The following KLF9 variants were observed in gnomAD, a reference collection of about 807,000 sequenced individuals.
The protein encoded by KLF9 is Krueppel-like factor 9.
A neutral mutation model predicts 17.3 loss-of-function variants in KLF9; 2 were observed. That is an observed-to-expected ratio of 0.12 (90% CI 0.05 to 0.36). KLF9 has a LOEUF of 0.36. Among genes scored for constraint, KLF9 ranks in the 10% least tolerant of loss-of-function variants. The pLI is 1.00. For synonymous variants in KLF9, 138 were observed against 139.2 expected (o/e 0.99, Z 0.06); for missense variants, 226 against 333.2 (o/e 0.68, Z 2.51).
intron 1 of KLF9, 76 bp from the exon 2 acceptor site, chr9:70,388,081 TC>T (rs1202332883): frequency 1.8e-6 from 2 of 1,103,036 alleles, no homozygotes; most frequent in African/African-American, 3.1e-5. Flanking sequence ...TGGTCAATAG[TC>T]CCTACGACTC....
Position 70,413,584 on chromosome 9 carries a change from C to G in KLF9, c.-221G>C. On this transcript the variant is annotated 5_prime_UTR_variant, in exon 1 of 2. Coordinates refer to ENST00000377126, the MANE Select transcript of KLF9 (RefSeq NM_001206.4). This position sits in a 1 kb window ranked among gnomAD's most constrained non-coding sequence, Gnocchi z 5.6. Reference sequence around the variant, plus strand: ...CGGCAGCGCCTCCGCACGCAGCATCCACGGCCCCGGGCTCCGCCGCGCCGC... The same window carrying G: ...CGGCAGCGCCTCCGCACGCAGCATCGACGGCCCCGGGCTCCGCCGCGCCGC... 3.5e-6 allele frequency: 1 copy of G among 284,480 alleles called. No individual in the cohort carries two copies. Among genetic ancestry groups the G allele is most frequent in the Non-Finnish European group, 6.1e-6 (1 of 165,022 alleles). 17.6% of individuals were successfully genotyped at this position (284,480 alleles called of 1,614,324 possible). A position where few individuals can be genotyped will look rare whatever the true frequency, so the allele number is the denominator to read the frequency against.
rs565271439 is a variant in KLF9 at position 70,387,249 on chromosome 9, C to A, written c.*527G>T. The A allele has an allele frequency of 6.5e-6, 1 of 153,172 alleles. No individual in the cohort carries two copies. Among genetic ancestry groups the A allele is most frequent in the African/African-American group, 2.4e-5 (1 of 41,036 alleles). 9.5% of individuals were successfully genotyped at this position (153,172 alleles called of 1,614,324 possible). ...AACGTGATTCAAGAGAGTGGTTTTG[C>A]TAAACAAACTGAAGCACACTCGTCA... On this transcript the variant is annotated 3_prime_UTR_variant, in exon 2 of 2. Coordinates refer to ENST00000377126, the MANE Select transcript of KLF9 (RefSeq NM_001206.4).
chr9:70,393,882 C>CCT (rs1564086398), intron 1 of KLF9, among the ~76,000 whole-genome samples: 2 of 152,142 alleles, frequency 1.3e-5, no homozygotes, highest in Non-Finnish European at 2.9e-5. Context: ...ATTAGCCAGG[C>CCT]GTAGTGGTGC....
At chr9:70,395,047 T>C (rs555014889) in intron 1 of KLF9, among the ~76,000 whole-genome samples, 2 of 152,322 alleles carry the variant, frequency 1.3e-5, no homozygotes, top group South Asian at 4.1e-4. Context: ...GAACAAATAA[T>C]AAGTGAGCAC....
At chr9:70,401,776 A>G (rs1371188249) in intron 1 of KLF9, among the ~76,000 whole-genome samples, 2 of 151,282 alleles carry the variant, frequency 1.3e-5, no homozygotes, top group Non-Finnish European at 2.9e-5. Context: ...GCACTTTGGG[A>G]GGCCAAGGTG....
intron 1 of KLF9, among the ~76,000 whole-genome samples, chr9:70,399,718 T>C (rs2037209163): frequency 6.6e-6 from 1 of 152,226 alleles, no homozygotes; most frequent in Non-Finnish European, 1.5e-5. Context: ...TGAGATTAGA[T>C]GTGAAAGAAG....
chr9:70,409,590 T>A (rs1046015124), intron 1 of KLF9, among the ~76,000 whole-genome samples: 1 of 152,124 alleles, frequency 6.6e-6, no homozygotes, highest in Non-Finnish European at 1.5e-5. Context: ...TAGGATAAAC[T>A]TCATGTTAAT....
rs760670637 is a variant in KLF9 at position 70,413,061 on chromosome 9, G to T, written c.303C>A (p.Thr101=). The change falls in exon 1 of 2, where the codon ACC becomes ACA. Residue 101 remains threonine (T), a synonymous_variant. Coordinates refer to ENST00000377126, the MANE Select transcript of KLF9 (RefSeq NM_001206.4). The surrounding 1 kb of genome is among the most constrained non-coding windows in gnomAD (Gnocchi z 5.6). ...EDMGSDSDVT[T]ESGSSPSHSP... is the part of the protein sequence containing the mutation. ...TGTGGGAAGGACTCGACCCAGATTC[G>T]GTGGTCACGTCGCTGTCGGATCCCA... 6.2e-7 allele frequency: 1 copy of T among 1,614,086 alleles called. No individual in the cohort carries two copies. The highest frequency in any genetic ancestry group is 1.1e-5 in the South Asian group (1 of 91,066).
chr9:70,393,763 C>T (rs74325245), intron 1 of KLF9, among the ~76,000 whole-genome samples: 3,679 of 152,182 alleles, frequency 0.024, 129 homozygotes, highest in African/African-American at 0.084. Context: ...AAGACTTCTT[C>T]TAGAAGAAAA....
chr9:70,388,374 C>T (rs565987720), intron 1 of KLF9, among the ~76,000 whole-genome samples: 1 of 152,204 alleles, frequency 6.6e-6, no homozygotes, highest in Non-Finnish European at 1.5e-5. Context: ...TCCAATGAAA[C>T]GAACCCGTCC....
In KLF9 at chr9:70,386,706, A is replaced by G. The variant is rs1320024570; in HGVS notation, c.*1070T>C. 6.6e-6 allele frequency: 1 copy of G among 152,578 alleles called. No individual in the cohort carries two copies. The highest frequency in any genetic ancestry group is 1.5e-5 in the Non-Finnish European group (1 of 68,048). 9.5% of individuals were successfully genotyped at this position (152,578 alleles called of 1,614,324 possible). A position where few individuals can be genotyped will look rare whatever the true frequency, so the allele number is the denominator to read the frequency against. ...AGCTCTCTCCCCTAGTGGCATTAGG[A>G]TACAATAATGATGTTAACTAAAAGC... On this transcript the variant is annotated 3_prime_UTR_variant, in exon 2 of 2. Transcript: ENST00000377126.
chr9:70,413,240 C>T lies in KLF9; in HGVS notation c.124G>A (p.Glu42Lys). ...GGGTCACCGTGCTCCTTGGTCACCT[C>T]GCGCTCAGGTAGTCGCAGCCGCTCG... is the stretch of plus-strand genomic sequence containing the variant. The part of the protein sequence containing the change: ...DAERLRLPER[E>K]VTKEHGDPGD... The change falls in exon 1 of 2, where the codon GAG (glutamate) becomes AAG (lysine). Residue 42 changes from glutamate (E) to lysine (K), a missense_variant. By Grantham distance (56) the Glu-to-Lys change is moderately conservative (BLOSUM62 1). Transcript: ENST00000377126. The surrounding 1 kb of genome is among the most constrained non-coding windows in gnomAD (Gnocchi z 5.6). 6.2e-7 allele frequency: 1 copy of T among 1,613,914 alleles called. No homozygotes were observed. The highest frequency in any genetic ancestry group is 8.5e-7 in the Non-Finnish European group (1 of 1,180,016).
chr9:70,413,372 C>G lies in KLF9; in HGVS notation c.-9G>C. The G allele has an allele frequency of 6.7e-7, 1 of 1,502,270 alleles. No homozygotes were observed. Among genetic ancestry groups the G allele is most frequent in the Non-Finnish European group, 8.9e-7 (1 of 1,127,316 alleles). 93.1% of individuals were successfully genotyped at this position (1,502,270 alleles called of 1,614,324 possible). A position where few individuals can be genotyped will look rare whatever the true frequency, so the allele number is the denominator to read the frequency against. ...TAGGCGGCCGCGGACATGGTGCGGG[C>G]GACGGCAGCCCAGGCGGCGCGGACA... On this transcript the variant is annotated 5_prime_UTR_variant, in exon 1 of 2. Transcript: ENST00000377126. This position sits in a 1 kb window ranked among gnomAD's most constrained non-coding sequence, Gnocchi z 5.6.
Position 70,388,005 on chromosome 9 carries a change from C to T in KLF9, c.506G>A (p.Gly169Asp). ...HLKAHYRVHTGERPFPCTWPD... is the reference protein window; with the variant it reads ...HLKAHYRVHTDERPFPCTWPD... ...CCACGTGCAGGGAAAGGGCCGTTCA[C>T]CTAAGAGAAAGGAATCAGAAAGGAT... The change falls in exon 2 of 2, where the codon GGT (glycine) becomes GAT (aspartate). Residue 169 changes from glycine (G) to aspartate (D), a missense_variant and splice_region_variant. Physicochemically the swap from Gly to Asp is moderately conservative, Grantham distance 94 (BLOSUM62 -1). Transcript: ENST00000377126. 6.2e-7 allele frequency: 1 copy of T among 1,611,712 alleles called. No individual in the cohort carries two copies. The highest frequency in any genetic ancestry group is 8.5e-7 in the Non-Finnish European group (1 of 1,178,820).
chr9:70,404,802 A>G (rs954682484), intron 1 of KLF9, among the ~76,000 whole-genome samples: 3 of 152,162 alleles, frequency 2.0e-5, no homozygotes, highest in African/African-American at 7.2e-5. Flanking sequence ...TCATAAATAT[A>G]TAATTACTGA....
In KLF9 at chr9:70,412,952, C is replaced by T; in HGVS notation, c.412G>A (p.Ala138Thr). ...HPGVAAKGKH[A>T]SEKRHKCPYS... is the part of the protein sequence containing the mutation. The stretch of plus-strand genomic sequence containing the variant: ...GGGCACTTGTGCCTCTTTTCGGAGG[C>T]GTGTTTCCCCTTCGCAGCCACTCCA... The change falls in exon 1 of 2, where the codon GCC (alanine) becomes ACC (threonine). Residue 138 changes from alanine (A) to threonine (T), a missense_variant. Coordinates refer to ENST00000377126, the MANE Select transcript of KLF9 (RefSeq NM_001206.4). 6.2e-7 allele frequency: 1 copy of T among 1,614,128 alleles called. No individual in the cohort carries two copies. The highest frequency in any genetic ancestry group is 8.5e-7 in the Non-Finnish European group (1 of 1,180,022).
intron 1 of KLF9, among the ~76,000 whole-genome samples, chr9:70,395,501 T>C (rs1337058172): frequency 6.6e-6 from 1 of 151,958 alleles, no homozygotes; most frequent in East Asian, 1.9e-4. Context: ...TATATATAAG[T>C]AGAAAAATTT....
intron 1 of KLF9, among the ~76,000 whole-genome samples, chr9:70,402,301 T>C (rs1463095415): frequency 1.3e-5 from 2 of 152,182 alleles, no homozygotes; most frequent in Non-Finnish European, 2.9e-5. Context: ...CACTTTTATG[T>C]GTTTTTGTTA....
chr9:70,409,172 A>ATATATGTATACATATATG lies in KLF9; in HGVS notation c.505+3686_505+3687insCATATATGTATACATATA, dbSNP rs1564089400. On this transcript the variant is annotated intron_variant, in intron 1 of 1. Coordinates refer to ENST00000377126, the MANE Select transcript of KLF9 (RefSeq NM_001206.4). ...TATGTATATATATACACATATATGT[A>ATATATGTATACATATATG]TATATATGTATACATATACATGTAT... Among the ~76,000 whole-genome samples the ATATATGTATACATATATG allele has an allele frequency of 5.6e-5, 2 of 35,882 alleles. 1 individual carries two copies. Among genetic ancestry groups the ATATATGTATACATATATG allele is most frequent in the African/African-American group, 1.1e-4 (2 of 18,288 alleles). The allele number at this position is 35,882 out of a possible 152,430, so 23.5% of individuals were successfully genotyped here.
Sources: gnomAD v4.1 joint callset for allele counts (sites outside exome capture counted in the v4.1 genomes callset) on GRCh38, gnomAD v4.1.1 for gene constraint, Gnocchi (gnomAD v3.1) non-coding constraint, MANE v1.5 for transcripts, NCBI Gene and HGNC (gene_info 2026-07-23, HGNC 2026-07-21) for gene names.